Variants in XKR6 observed in about 807,000 individuals in gnomAD.
XKR6 encodes the protein XK-related protein 6.
A neutral mutation model predicts 56.7 loss-of-function variants in XKR6; 22 were observed. The observed-to-expected ratio is 0.39, with a 90% CI of 0.28 to 0.55. The LOEUF (loss-of-function observed/expected upper bound fraction) is 0.55, where lower values mean the gene tolerates loss of function less well. Among genes scored for constraint, XKR6 ranks in the 20% least tolerant of loss-of-function variants. The pLI is 0.66. For synonymous variants in XKR6, 524 were observed against 387.8 expected (o/e 1.35, Z -4.13); for missense variants, 852 against 889.0 (o/e 0.96, Z 0.53).
At position 11,201,268 on chromosome 8, in the gene XKR6, C is replaced by A. The variant is rs754701725; in HGVS notation, c.72G>T (p.Val24=). The change falls in exon 1 of 3, where the codon GTG becomes GTT. Residue 24 remains valine, a synonymous_variant. Coordinates refer to ENST00000416569, the MANE Select transcript of XKR6 (RefSeq NM_173683.4). ...CCCCGTCCTCCTCGCCGCCGCTGCC[C>A]ACCGCCTCGTCCAGGTTGTGCAGCT... The part of the protein sequence containing the change: ...FAQLHNLDEA[V]GSGGEEDGEP... The A allele has an allele frequency of 1.3e-6, 2 of 1,577,094 alleles. No individual in the cohort carries two copies. The highest frequency in any genetic ancestry group is 3.4e-5 in the Admixed American group (2 of 58,046).
At chr8:11,022,620 C>G (rs1242922652) in intron 1 of XKR6, among the ~76,000 whole-genome samples, 1 of 152,182 alleles carries the variant, frequency 6.6e-6, no homozygotes, top group East Asian at 1.9e-4. Flanking sequence ...CCTCCAGTGT[C>G]ATCTTTTTCC....
At chr8:11,082,735 C>T (rs1302061848) in intron 1 of XKR6, among the ~76,000 whole-genome samples, 7 of 152,158 alleles carry the variant, frequency 4.6e-5, no homozygotes, top group Non-Finnish European at 7.3e-5. Flanking sequence ...GGACACAGCT[C>T]AGGTTTGACA....
intron 1 of XKR6, among the ~76,000 whole-genome samples, chr8:11,052,790 G>C (rs1402145870): frequency 2.7e-5 from 4 of 150,212 alleles, no homozygotes; most frequent in African/African-American, 7.4e-5. Flanking sequence ...GGGAAAGCTT[G>C]GGGACCTCTA....
chr8:10,951,533 G>A (rs1381499163), intron 1 of XKR6, among the ~76,000 whole-genome samples: 5 of 152,242 alleles, frequency 3.3e-5, no homozygotes, highest in Non-Finnish European at 7.3e-5. Flanking sequence ...GTTTCACACT[G>A]CGTGGCTTCT....
intron 1 of XKR6, among the ~76,000 whole-genome samples, chr8:11,146,580 T>A (rs1800996863): frequency 6.7e-6 from 1 of 148,600 alleles, no homozygotes; most frequent in Non-Finnish European, 1.5e-5. Context: ...AGTGAGTCAA[T>A]ATCATGCCAC....
chr8:11,170,233 G>C (rs897102097), intron 1 of XKR6, among the ~76,000 whole-genome samples: 2 of 152,158 alleles, frequency 1.3e-5, no homozygotes, highest in Admixed American at 1.3e-4. Flanking sequence ...TCCACACAAA[G>C]CCTTGTTACA....
chr8:11,008,447 G>T lies in XKR6; in HGVS notation c.765-83617C>A, dbSNP rs540170100. Among the ~76,000 whole-genome samples the T allele has an allele frequency of 3.6e-5, 5 of 138,776 alleles. No homozygotes were observed. In the East Asian group the frequency reaches 7.9e-4, roughly 22 times the overall value. 91.0% of individuals were successfully genotyped at this position (138,776 alleles called of 152,430 possible). A position where few individuals can be genotyped will look rare whatever the true frequency, so the allele number is the denominator to read the frequency against. ...TTTTTTTTTTTTTTTTTTTGACAGGGTCTCGCTTTGTCACCCAGCCTGGAA... is the reference window on the plus strand; with the variant it reads ...TTTTTTTTTTTTTTTTTTTGACAGGTTCTCGCTTTGTCACCCAGCCTGGAA... On this transcript the variant is annotated intron_variant, in intron 1 of 2. Transcript: ENST00000416569.
chr8:11,129,367 T>C (rs1799989626), intron 1 of XKR6, among the ~76,000 whole-genome samples: 1 of 152,190 alleles, frequency 6.6e-6, no homozygotes, highest in African/African-American at 2.4e-5. Context: ...GTCAGGTACT[T>C]AAGAGATTTT....
intron 1 of XKR6, among the ~76,000 whole-genome samples, chr8:11,114,279 T>C (rs2129180846): frequency 6.6e-6 from 1 of 152,328 alleles, no homozygotes; most frequent in Middle Eastern, 3.4e-3. Flanking sequence ...AGCCGCTGGG[T>C]ATCGTAACAA....
chr8:10,955,460 G>A (rs1248639288), intron 1 of XKR6, among the ~76,000 whole-genome samples: 1 of 152,018 alleles, frequency 6.6e-6, no homozygotes, highest in Non-Finnish European at 1.5e-5. Context: ...GAATTGCAGG[G>A]GCTCACCACC....
chr8:11,093,805 A>C (rs1166740019), intron 1 of XKR6, among the ~76,000 whole-genome samples: 1 of 151,810 alleles, frequency 6.6e-6, no homozygotes, highest in Admixed American at 6.6e-5. Flanking sequence ...TTTTTTTGAG[A>C]TGGAGTCTCG....
At chr8:11,030,818 C>G (rs895581591) in intron 1 of XKR6, among the ~76,000 whole-genome samples, 3 of 152,198 alleles carry the variant, frequency 2.0e-5, no homozygotes, top group African/African-American at 4.8e-5. Flanking sequence ...ATGCCCTCAT[C>G]TGAAAGCCCC....
intron 1 of XKR6, among the ~76,000 whole-genome samples, chr8:11,070,734 C>G (rs976398028): frequency 6.6e-6 from 1 of 152,146 alleles, no homozygotes; most frequent in Non-Finnish European, 1.5e-5. Flanking sequence ...TCATAAAATC[C>G]TTACATAGGA....
At chr8:10,928,429 G>A (rs1488114034) in intron 1 of XKR6, among the ~76,000 whole-genome samples, 1 of 152,238 alleles carries the variant, frequency 6.6e-6, no homozygotes, top group African/African-American at 2.4e-5. Flanking sequence ...GGGTGGGGTG[G>A]GAGGAAGGCA....
chr8:11,163,526 T>C (rs1183311541), intron 1 of XKR6, among the ~76,000 whole-genome samples: 2 of 152,190 alleles, frequency 1.3e-5, no homozygotes, highest in African/African-American at 2.4e-5. Flanking sequence ...CCGCTGGAGA[T>C]AGGTAACTAC....
chr8:10,913,667 G>A (rs1210255523), intron 2 of XKR6, among the ~76,000 whole-genome samples: 1 of 152,232 alleles, frequency 6.6e-6, no homozygotes, highest in Non-Finnish European at 1.5e-5. Flanking sequence ...GGTGCACTCA[G>A]CCGTCGATGC....
intron 1 of XKR6, among the ~76,000 whole-genome samples, chr8:11,087,711 C>G (rs1244305929): frequency 6.6e-6 from 1 of 152,204 alleles, no homozygotes; most frequent in Non-Finnish European, 1.5e-5. Context: ...ACTGAATTAG[C>G]TAATCCTAGA....
intron 1 of XKR6, among the ~76,000 whole-genome samples, chr8:11,006,195 G>A (rs1481936911): frequency 6.6e-6 from 1 of 152,168 alleles, no homozygotes; most frequent in Non-Finnish European, 1.5e-5. Flanking sequence ...ATTAATTGGT[G>A]ATTGATTCAC....
At chr8:10,961,468 G>A (rs116578039) in intron 1 of XKR6, among the ~76,000 whole-genome samples, 1,977 of 152,278 alleles carry the variant, frequency 0.013, 47 homozygotes, top group African/African-American at 0.045. Context: ...TAGGAGTCGG[G>A]GTGGAATCAC....
Sources: allele counts gnomAD v4.1 joint callset (sites outside exome capture counted in the v4.1 genomes callset), GRCh38; gene constraint gnomAD v4.1.1; transcripts MANE v1.5; gene names NCBI Gene and HGNC (gene_info 2026-07-23, HGNC 2026-07-21).